Variants in CCDC63 observed in about 807,000 individuals in gnomAD.
CCDC63 encodes the protein coiled-coil domain containing 63, also known as coiled-coil domain-containing protein 63.
In CCDC63, 54 loss-of-function variants were observed where a neutral mutation model predicts 63.6. The observed-to-expected ratio is 0.85, with a 90% CI of 0.68 to 1.07. The LOEUF (loss-of-function observed/expected upper bound fraction) is 1.07. Ranked by LOEUF, CCDC63 falls within the 50% of genes least tolerant of loss-of-function variation. The probability of loss-of-function intolerance (pLI) is 0.00; values close to 1 mark genes in which losing one functional copy is unlikely to be tolerated. For synonymous variants in CCDC63, 253 were observed against 266.1 expected, an observed-to-expected ratio of 0.95 and a Z score of 0.48; for missense variants, 637 against 689.6, an observed-to-expected ratio of 0.92 and a Z score of 0.86.
chr12:110,888,670 A>G (rs76923111), intron 8 of CCDC63, among the ~76,000 whole-genome samples: 7,989 of 152,262 alleles, frequency 0.052, 712 homozygotes, highest in African/African-American at 0.18. Context: ...GAGAATCTGG[A>G]AAGCAACTAA....
chr12:110,902,345 C>CT (rs1051936404), intron 10 of CCDC63, among the ~76,000 whole-genome samples: 1 of 152,204 alleles, frequency 6.6e-6, no homozygotes, highest in Non-Finnish European at 1.5e-5. Context: ...CTGATCTCCT[C>CT]TTGTCCTGCT....
rs1261672666 is a variant in CCDC63, at chr12:110,907,496, C to T, written c.*20C>T. 2.5e-6 allele frequency: 4 copies of T among 1,613,630 alleles called. No individual in the cohort carries two copies. The highest frequency in any genetic ancestry group is 2.7e-5 in the African/African-American group (2 of 74,930). On this transcript the variant is annotated 3_prime_UTR_variant, in exon 12 of 12. Coordinates refer to ENST00000308208, the MANE Select transcript of CCDC63 (RefSeq NM_152591.3). This position sits in a 1 kb window ranked among gnomAD's most constrained non-coding sequence, Gnocchi z 4.4. ...ATGTGAGGTGCATGCATGGGGCCACCTTTGCAACATAACCGAAAGAATAAA... is the reference window on the plus strand; with the variant it reads ...ATGTGAGGTGCATGCATGGGGCCACTTTTGCAACATAACCGAAAGAATAAA...
chr12:110,870,296 G>A (rs1371695726), intron 4 of CCDC63, among the ~76,000 whole-genome samples: 1 of 152,130 alleles, frequency 6.6e-6, no homozygotes, highest in Non-Finnish European at 1.5e-5. Flanking sequence ...TGGCCAGGCT[G>A]GTCTCAAACT....
At chr12:110,878,720 C>A (rs577829076) in intron 5 of CCDC63, among the ~76,000 whole-genome samples, 2 of 152,262 alleles carry the variant, frequency 1.3e-5, no homozygotes, top group South Asian at 2.1e-4. Flanking sequence ...GATGCCCTTA[C>A]GAGGTGGTGA....
chr12:110,892,227 G>A (rs2071366005), intron 8 of CCDC63, among the ~76,000 whole-genome samples: 1 of 152,146 alleles, frequency 6.6e-6, no homozygotes, highest in South Asian at 2.1e-4. Flanking sequence ...GCCACGTGTG[G>A]CTTTTTAAGT....
Position 110,858,711 on chromosome 12 carries a change from C to G in CCDC63, c.305C>G (p.Thr102Ser). 6.2e-7 allele frequency: 1 copy of G among 1,614,100 alleles called. No homozygotes were observed. Among genetic ancestry groups the G allele is most frequent in the Non-Finnish European group, 8.5e-7 (1 of 1,180,020 alleles). Residue 102 changes from threonine to serine, a missense_variant, in exon 4 of 12, where the codon ACT (threonine) becomes AGT (serine). Coordinates refer to ENST00000308208, the MANE Select transcript of CCDC63 (RefSeq NM_152591.3). Reference sequence around the variant, plus strand: ...ATGGAGCTGCGACTCCTGCTCCAAACTAAGGAGGACTATGAGGCATTGATT... The same window carrying G: ...ATGGAGCTGCGACTCCTGCTCCAAAGTAAGGAGGACTATGAGGCATTGATT... ...NYMELRLLLQ[T>S]KEDYEALIKS...
intron 4 of CCDC63, among the ~76,000 whole-genome samples, chr12:110,861,756 G>A (rs2070856882): frequency 6.8e-6 from 1 of 147,694 alleles, no homozygotes; most frequent in South Asian, 2.1e-4. Context: ...ACTTTTAGTA[G>A]AGATGGGATT....
intron 10 of CCDC63, among the ~76,000 whole-genome samples, chr12:110,904,094 G>A (rs1204436463): frequency 2.0e-5 from 3 of 152,096 alleles, no homozygotes; most frequent in Non-Finnish European, 4.4e-5. Flanking sequence ...GATGGCTCAC[G>A]CCTGTAATTC....
intron 4 of CCDC63, among the ~76,000 whole-genome samples, chr12:110,870,762 G>A (rs1334765022): frequency 1.3e-5 from 2 of 152,090 alleles, no homozygotes; most frequent in South Asian, 2.1e-4. Flanking sequence ...TTTTGTCAAG[G>A]TATCCCTCCC....
intron 4 of CCDC63, among the ~76,000 whole-genome samples, chr12:110,866,977 GCGGC>G (rs2070961306): frequency 1.4e-5 from 2 of 145,502 alleles, no homozygotes; most frequent in African/African-American, 5.0e-5. Flanking sequence ...CCCGGACGGG[GCGGC>G]TGGCCGGGCG....
At chr12:110,878,855 T>C (rs568434680) in intron 5 of CCDC63, among the ~76,000 whole-genome samples, 3 of 152,188 alleles carry the variant, frequency 2.0e-5, no homozygotes, top group African/African-American at 7.2e-5. Context: ...TACATTCCCA[T>C]GAACAGTGTA....
chr12:110,858,223 G>A (rs1318766644), intron 3 of CCDC63, among the ~76,000 whole-genome samples: 1 of 152,158 alleles, frequency 6.6e-6, no homozygotes, highest in Admixed American at 6.5e-5. Flanking sequence ...GAGATAATTG[G>A]CGGTAAAGTC....
intron 7 of CCDC63, 92 bp from the exon 8 acceptor site, chr12:110,883,938 C>T (rs1283147457): frequency 9.8e-7 from 1 of 1,016,186 alleles, no homozygotes; most frequent in Admixed American, 1.8e-5. Context: ...CCATGCCTGG[C>T]CACAATAATA....
chr12:110,845,151 C>G (rs2070624234), upstream of CCDC63, among the ~76,000 whole-genome samples: 1 of 152,114 alleles, frequency 6.6e-6, no homozygotes, highest in Non-Finnish European at 1.5e-5. Flanking sequence ...AGAGCTGCGC[C>G]CATAAAGACA....
At chr12:110,899,230 G>T (rs912691420) in intron 10 of CCDC63, 105 bp downstream of exon 10, 16 of 1,034,520 alleles carry the variant, frequency 1.5e-5, no homozygotes, top group Admixed American at 2.8e-5. Flanking sequence ...TTGTGGCAAA[G>T]TGTGTGGGCA....
rs12314509 is a variant in CCDC63 at position 110,900,757 on chromosome 12, G to A, written c.1342+1632G>A. Among the ~76,000 whole-genome samples, 682 of 152,180 alleles carry A rather than the reference G, an allele frequency of 4.5e-3. 6 individuals are homozygous for A. The highest frequency in any genetic ancestry group is 0.016 in the African/African-American group (649 of 41,518). On this transcript the variant is annotated intron_variant, in intron 10 of 11. Transcript: ENST00000308208. ...TGGGATTATAGGCACACGCCACCAC[G>A]CCCAGCTAATTTTTGTATTTTTAGT...
intron 8 of CCDC63, among the ~76,000 whole-genome samples, chr12:110,886,829 C>A (rs1251877589): frequency 1.3e-5 from 2 of 152,164 alleles, no homozygotes; most frequent in Non-Finnish European, 2.9e-5. Context: ...CACTCTCTGT[C>A]CCCCTCCCGG....
chr12:110,845,188 T>C (rs1241854823), upstream of CCDC63, among the ~76,000 whole-genome samples: 1 of 152,208 alleles, frequency 6.6e-6, no homozygotes, highest in Non-Finnish European at 1.5e-5. Flanking sequence ...CGGAGGAAGG[T>C]CTATTTTTAA....
intron 4 of CCDC63, among the ~76,000 whole-genome samples, chr12:110,868,902 T>A (rs2071025445): frequency 2.0e-5 from 3 of 152,312 alleles, no homozygotes; most frequent in Admixed American, 2.0e-4. Context: ...ACATTCTAGT[T>A]TGCTATCATC....
Sources: allele counts gnomAD v4.1 joint callset (sites outside exome capture counted in the v4.1 genomes callset), GRCh38; gene constraint gnomAD v4.1.1; non-coding constraint Gnocchi (gnomAD v3.1); transcripts MANE v1.5; gene names NCBI Gene and HGNC (gene_info 2026-07-23, HGNC 2026-07-21).